VEPH1: variants seen among roughly 807,000 people sequenced by gnomAD.
VEPH1 encodes the protein ventricular zone-expressed PH domain-containing protein homolog 1.
Under a neutral mutation model 85.2 loss-of-function variants are expected in VEPH1, and 80 were observed. That is an observed-to-expected ratio of 0.94 (90% CI 0.78 to 1.13). The LOEUF is 1.13. Among genes scored for constraint, VEPH1 ranks in the 50% most tolerant of loss-of-function variants. The pLI is 0.00. For synonymous variants in VEPH1, 297 were observed against 348.0 expected (o/e 0.85, Z 1.63); for missense variants, 955 against 980.5 (o/e 0.97, Z 0.35).
chr3:157,380,898 G>A (rs527896413), intron 7 of VEPH1, among the ~76,000 whole-genome samples: 2 of 152,280 alleles, frequency 1.3e-5, no homozygotes, highest in Admixed American at 6.5e-5. Flanking sequence ...ATAAACGGGT[G>A]CTATAAAATA....
At chr3:157,395,064 G>C (rs151173168) in intron 6 of VEPH1, among the ~76,000 whole-genome samples, 1 of 152,298 alleles carries the variant, frequency 6.6e-6, no homozygotes, top group African/African-American at 2.4e-5. Flanking sequence ...GGGGAGCATG[G>C]TAAGACCAGT....
intron 6 of VEPH1, among the ~76,000 whole-genome samples, chr3:157,399,935 CTTTCT>C (rs1227912964): frequency 6.6e-6 from 1 of 152,036 alleles, no homozygotes; most frequent in African/African-American, 2.4e-5. Context: ...TTCTTCAATT[CTTTCT>C]TTTATTTTTT....
At chr3:157,381,047 T>G in intron 7 of VEPH1, 109 bp downstream of exon 7, 389 of 1,077,738 alleles carry the variant, frequency 3.6e-4, no homozygotes, top group Non-Finnish European at 5.0e-4. Flanking sequence ...TATTCTCTGT[T>G]GAGATACAGG....
At chr3:157,460,773 T>C (rs1371997139) in intron 3 of VEPH1, among the ~76,000 whole-genome samples, 1 of 151,622 alleles carries the variant, frequency 6.6e-6, no homozygotes, top group Non-Finnish European at 1.5e-5. Flanking sequence ...GAGACTGAGG[T>C]GAGGGAGTAC....
rs80107214 is a variant in VEPH1, at chr3:157,461,490, T to C, written c.355-1135A>G. 7.5e-3 allele frequency among the ~76,000 whole-genome samples: 1,146 copies of C among 152,348 alleles called. 22 individuals are homozygous for C. Among genetic ancestry groups the C allele is most frequent in the East Asian group, 0.067 (350 of 5,190 alleles). ...CTGTTATATTCAGATCTTTGTTTTG[T>C]AGCTGAGCTTGTACCCTGATTAATA... On this transcript the variant is annotated intron_variant, in intron 3 of 13. Transcript: ENST00000362010.
intron 4 of VEPH1, among the ~76,000 whole-genome samples, chr3:157,449,076 G>A (rs1354494425): frequency 6.6e-6 from 1 of 152,164 alleles, no homozygotes; most frequent in Non-Finnish European, 1.5e-5. Flanking sequence ...GTGGAACTGT[G>A]AGTCCAATAA....
At position 157,470,437 on chromosome 3, in the gene VEPH1, C is replaced by A; in HGVS notation, c.231G>T (p.Lys77Asn). Reference sequence around the variant, plus strand: ...AGAGCCCCACAAGGGCCTTTGCATGCTTTTCAATGGACTCGGTCTCTCTGA... The same window carrying A: ...AGAGCCCCACAAGGGCCTTTGCATGATTTTCAATGGACTCGGTCTCTCTGA... ...TAIRETESIE[K>N]HAKALVGLWD... is the part of the protein sequence containing the mutation. Residue 77 changes from lysine to asparagine, a missense_variant, in exon 3 of 14, where the codon AAG becomes AAT. Lys to Asn is a moderately conservative substitution (Grantham distance 94, BLOSUM62 0). Transcript: ENST00000362010. The A allele has an allele frequency of 6.2e-7, 1 of 1,614,196 alleles. No homozygotes were observed. Among genetic ancestry groups the A allele is most frequent in the Non-Finnish European group, 8.5e-7 (1 of 1,180,030 alleles).
chr3:157,300,511 T>C (rs1331596378), intron 11 of VEPH1, among the ~76,000 whole-genome samples: 1 of 152,230 alleles, frequency 6.6e-6, no homozygotes, highest in Non-Finnish European at 1.5e-5. Context: ...AAAACATTTC[T>C]ATGCCAATTT....
intron 2 of VEPH1, among the ~76,000 whole-genome samples, chr3:157,482,957 C>G (rs924095636): frequency 2.0e-5 from 3 of 152,104 alleles, no homozygotes; most frequent in African/African-American, 7.2e-5. Flanking sequence ...GACTTCTTCA[C>G]AAACATTTTC....
chr3:157,494,587 G>A (rs1739499383), intron 2 of VEPH1, among the ~76,000 whole-genome samples: 1 of 152,192 alleles, frequency 6.6e-6, no homozygotes. Flanking sequence ...TCACACTGGG[G>A]ACTAATAATG....
chr3:157,388,711 A>G (rs1729553855), intron 6 of VEPH1, among the ~76,000 whole-genome samples: 1 of 152,224 alleles, frequency 6.6e-6, no homozygotes, highest in African/African-American at 2.4e-5. Context: ...AAAAAATAGA[A>G]AACAATATAA....
intron 12 of VEPH1, among the ~76,000 whole-genome samples, chr3:157,283,121 A>G (rs1344497175): frequency 6.6e-6 from 1 of 152,260 alleles, no homozygotes; most frequent in African/African-American, 2.4e-5. Flanking sequence ...CTTCTAAAAA[A>G]TTAAACTTGT....
chr3:157,294,508 T>G (rs1203869403), intron 11 of VEPH1, among the ~76,000 whole-genome samples: 1 of 152,236 alleles, frequency 6.6e-6, no homozygotes, highest in African/African-American at 2.4e-5. Flanking sequence ...AGCTGCACAG[T>G]GATTTAATGG....
chr3:157,270,582 A>C (rs1321949364), intron 12 of VEPH1, among the ~76,000 whole-genome samples: 1 of 152,200 alleles, frequency 6.6e-6, no homozygotes, highest in Non-Finnish European at 1.5e-5. Context: ...CTTATTCAAC[A>C]TGAAGTTGAT....
chr3:157,453,904 G>A lies in VEPH1; in HGVS notation c.529+6277C>T, dbSNP rs1735165575. ...CATTCATTTTATGATAATTTTCATAGTGCCAGATCAAATAAACCAAATTAT... is the reference window on the plus strand; with the variant it reads ...CATTCATTTTATGATAATTTTCATAATGCCAGATCAAATAAACCAAATTAT... On this transcript the variant is annotated intron_variant, in intron 4 of 13. Transcript: ENST00000362010. 3.3e-5 allele frequency among the ~76,000 whole-genome samples: 5 copies of A among 152,166 alleles called. 1 individual carries two copies. The South Asian group carries it at 1.0e-3, about 32-fold the overall frequency.
At chr3:157,343,776 C>T (rs1723875045) in intron 9 of VEPH1, among the ~76,000 whole-genome samples, 1 of 152,188 alleles carries the variant, frequency 6.6e-6, no homozygotes, top group African/African-American at 2.4e-5. Flanking sequence ...CAAAAATCCT[C>T]AATAAAATAC....
At chr3:157,445,116 C>A (rs568855248) in intron 4 of VEPH1, among the ~76,000 whole-genome samples, 4 of 152,232 alleles carry the variant, frequency 2.6e-5, no homozygotes, top group African/African-American at 9.6e-5. Flanking sequence ...TGGTAATGGG[C>A]TGGAATTTCA....
intron 6 of VEPH1, among the ~76,000 whole-genome samples, chr3:157,403,444 C>CT (rs910606454): frequency 4.0e-5 from 6 of 151,866 alleles, no homozygotes; most frequent in East Asian, 1.9e-4. Flanking sequence ...ATTAAAGGAT[C>CT]TTTTTTTTCT....
intron 9 of VEPH1, among the ~76,000 whole-genome samples, chr3:157,323,946 T>C (rs1403886806): frequency 6.6e-6 from 1 of 152,212 alleles, no homozygotes; most frequent in Non-Finnish European, 1.5e-5. Context: ...TTTTACTTCA[T>C]ATACTTCTGT....
Sources: allele counts gnomAD v4.1 joint callset (sites outside exome capture counted in the v4.1 genomes callset), GRCh38; gene constraint gnomAD v4.1.1; transcripts MANE v1.5; gene names NCBI Gene and HGNC (gene_info 2026-07-23, HGNC 2026-07-21).